Variants in BCL2L11 observed in about 807,000 individuals in gnomAD.
BCL2L11 encodes bcl-2-like protein 11.
BCL2L11 carries 15 observed loss-of-function variants against 20.6 expected under a neutral mutation model. The ratio of observed to expected loss-of-function variants is 0.73; its 90% CI spans 0.49 to 1.12. The LOEUF is 1.12. Among genes scored for constraint, BCL2L11 ranks in the 50% most tolerant of loss-of-function variants. The pLI, the probability that BCL2L11 is intolerant of heterozygous loss-of-function variation, is 0.00. For missense variants in BCL2L11, 292 were observed against 260.9 expected, an observed-to-expected ratio of 1.12 and a Z score of -0.82; for synonymous variants, 108 against 92.8, an observed-to-expected ratio of 1.16 and a Z score of -0.94.
At chr2:111,161,431 C>T (rs1225201798) in intron 3 of BCL2L11, 1 of 1,550,426 alleles carries the variant, frequency 6.4e-7, no homozygotes, top group Non-Finnish European at 8.7e-7. Context: ...GCCTCTTCCA[C>T]CTGATTAAGA....
chr2:111,146,291 A>C, intron 2 of BCL2L11: 1 of 936,908 alleles, frequency 1.1e-6, no homozygotes, highest in Non-Finnish European at 1.3e-6. Flanking sequence ...TAGACCAGGT[A>C]TCAACATTTA....
intron 2 of BCL2L11, among the ~76,000 whole-genome samples, chr2:111,139,548 C>T (rs2075461881): frequency 6.6e-6 from 1 of 152,150 alleles, no homozygotes; most frequent in East Asian, 1.9e-4. Flanking sequence ...GGTAATTAAA[C>T]TCCTTTAGTG....
At chr2:111,157,276 G>A (rs1239197718) in intron 3 of BCL2L11, among the ~76,000 whole-genome samples, 1 of 152,186 alleles carries the variant, frequency 6.6e-6, no homozygotes. Context: ...TCTTGAGGAG[G>A]AAATGAAGAT....
chr2:111,141,121 T>C (rs555241503), intron 2 of BCL2L11, among the ~76,000 whole-genome samples: 83 of 152,344 alleles, frequency 5.4e-4, no homozygotes, highest in Non-Finnish European at 8.5e-4. Flanking sequence ...GAAATCTCAG[T>C]GTTAGGGCCA....
intron 3 of BCL2L11, among the ~76,000 whole-genome samples, chr2:111,155,358 G>C (rs192136092): frequency 5.9e-5 from 9 of 152,222 alleles, no homozygotes; most frequent in African/African-American, 1.9e-4. Flanking sequence ...CTGTGTGAGC[G>C]CATGTACCGG....
intron 2 of BCL2L11, among the ~76,000 whole-genome samples, chr2:111,141,422 C>A (rs893160459): frequency 6.7e-6 from 1 of 149,482 alleles, no homozygotes; most frequent in East Asian, 2.0e-4. Flanking sequence ...GAACAAAAAA[C>A]CAAACACTGC....
intron 3 of BCL2L11, among the ~76,000 whole-genome samples, chr2:111,153,313 A>G (rs1411785347): frequency 6.6e-6 from 1 of 152,166 alleles, no homozygotes; most frequent in African/African-American, 2.4e-5. Flanking sequence ...TGGAAGGCGC[A>G]GGTTGCAGTG....
In BCL2L11 at chr2:111,164,559, G is replaced by T; in HGVS notation, c.*328G>T. On this transcript the variant is annotated 3_prime_UTR_variant, in exon 4 of 4. Transcript: ENST00000393256. ...TGTTTTCCCCCTCACCTTCAATAAG[G>T]TTTTTCAAAAAGGAAATGGAAACTT... 1 of 191,792 alleles carries T rather than the reference G, an allele frequency of 5.2e-6. No homozygotes were observed. The highest frequency in any genetic ancestry group is 1.1e-5 in the Non-Finnish European group (1 of 93,612). The allele number at this position is 191,792 out of a possible 1,614,324, so 11.9% of individuals were successfully genotyped here.
intron 1 of BCL2L11, among the ~76,000 whole-genome samples, chr2:111,122,086 C>T (rs41309780): frequency 6.6e-6 from 1 of 152,130 alleles, no homozygotes; most frequent in Non-Finnish European, 1.5e-5. Flanking sequence ...CGCGGACGTG[C>T]GCGTCCGCGG....
At chr2:111,130,767 TGAG>T (rs2073796516) in intron 2 of BCL2L11, among the ~76,000 whole-genome samples, 2 of 152,186 alleles carry the variant, frequency 1.3e-5, no homozygotes. Flanking sequence ...TTTAAAAGAA[TGAG>T]GAAGTTTTAA....
chr2:111,144,565 C>T (rs1575090037), intron 2 of BCL2L11: 8 of 1,533,594 alleles, frequency 5.2e-6, no homozygotes, highest in Non-Finnish European at 7.1e-6. Context: ...TGTTGCTTCC[C>T]TCCTCTTGTA....
chr2:111,151,534 A>T (rs1384561577), intron 3 of BCL2L11, among the ~76,000 whole-genome samples: 2 of 151,972 alleles, frequency 1.3e-5, no homozygotes, highest in Non-Finnish European at 2.9e-5. Context: ...AGGGGAGGTC[A>T]TGCTTGGTTA....
At chr2:111,124,616 A>G (rs542301890) in intron 2 of BCL2L11, among the ~76,000 whole-genome samples, 1 of 152,298 alleles carries the variant, frequency 6.6e-6, no homozygotes, top group East Asian at 1.9e-4. Flanking sequence ...CAAAGTTACT[A>G]ACTTTTGTGG....
chr2:111,132,735 C>A (rs2074184642), intron 2 of BCL2L11, among the ~76,000 whole-genome samples: 1 of 152,150 alleles, frequency 6.6e-6, no homozygotes, highest in Admixed American at 6.5e-5. Context: ...CGGGTGAATT[C>A]CATTCTCCTC....
chr2:111,158,153 A>T (rs1005244388), intron 3 of BCL2L11, among the ~76,000 whole-genome samples: 1 of 152,212 alleles, frequency 6.6e-6, no homozygotes, highest in Non-Finnish European at 1.5e-5. Flanking sequence ...GAGAGACCAG[A>T]TCTTCCTGAA....
intron 2 of BCL2L11, chr2:111,131,241 TG>T (rs1194488535): frequency 3.1e-4 from 1 of 3,260 alleles, no homozygotes; most frequent in Non-Finnish European, 9.0e-4. Flanking sequence ...GTGGGGGGGA[TG>T]GGGGGCGGGC....
At chr2:111,137,482 C>T (rs994852633) in intron 2 of BCL2L11, among the ~76,000 whole-genome samples, 2 of 152,204 alleles carry the variant, frequency 1.3e-5, no homozygotes, top group South Asian at 2.1e-4. Context: ...GGGCATCTGA[C>T]CTCAGACTGC....
intron 3 of BCL2L11, among the ~76,000 whole-genome samples, chr2:111,153,451 G>A (rs773568905): frequency 1.1e-4 from 16 of 152,090 alleles, no homozygotes; most frequent in Admixed American, 2.6e-4. Flanking sequence ...ACAGACACCC[G>A]TCTTGATACT....
rs372180669 is a variant in BCL2L11 at position 111,123,999 on chromosome 2, G to C, written c.254G>C (p.Arg85Thr). The C allele has an allele frequency of 7.2e-5, 116 of 1,614,096 alleles. No individual in the cohort carries two copies. Among genetic ancestry groups the C allele is most frequent in the Non-Finnish European group, 1.1e-5 (13 of 1,180,044 alleles). Residue 85 changes from arginine (R) to threonine (T), a missense_variant, in exon 2 of 4, where the codon AGA (arginine) becomes ACA (threonine). Arg to Thr is a moderately conservative substitution (Grantham distance 71). Transcript: ENST00000393256. ...TRSPLFIFMR[R>T]SSLLSRSSSG... ...TCCCCGCTTTTCATCTTTATGAGAA[G>C]ATCCTCCCTGCTGTCTCGATCCTCC... is the stretch of plus-strand genomic sequence containing the variant.
Sources: gnomAD v4.1 joint callset for allele counts (sites outside exome capture counted in the v4.1 genomes callset) on GRCh38, gnomAD v4.1.1 for gene constraint, MANE v1.5 for transcripts, NCBI Gene and HGNC (gene_info 2026-07-23, HGNC 2026-07-21) for gene names.